Variants in PRKG2 observed in about 807,000 individuals in gnomAD.
The protein encoded by PRKG2 is protein kinase cGMP-dependent 2.
In PRKG2, 33 loss-of-function variants were observed where a neutral mutation model predicts 97.2. The observed-to-expected ratio is 0.34, with a 90% CI of 0.26 to 0.45. The LOEUF (loss-of-function observed/expected upper bound fraction) is 0.45. PRKG2 is among the 20% of genes least tolerant of loss of function. PRKG2 has a pLI of 1.00. For missense variants in PRKG2, 638 were observed against 900.0 expected, an observed-to-expected ratio of 0.71 and a Z score of 3.73; for synonymous variants, 330 against 321.8, an observed-to-expected ratio of 1.03 and a Z score of -0.27.
At chr4:81,107,542 C>T (rs1743467757) in intron 15 of PRKG2, among the ~76,000 whole-genome samples, 1 of 152,068 alleles carries the variant, frequency 6.6e-6, no homozygotes, top group African/African-American at 2.4e-5. Context: ...TAGAGGGAGT[C>T]TCACTCTGTC....
upstream of PRKG2, among the ~76,000 whole-genome samples, chr4:81,217,661 A>G (rs1286905034): frequency 6.6e-6 from 1 of 152,242 alleles, no homozygotes; most frequent in African/African-American, 2.4e-5. Context: ...AGAGAAACAG[A>G]CATTAAATAA....
At chr4:81,180,116 A>C (rs2903751) in intron 2 of PRKG2, among the ~76,000 whole-genome samples, 1 of 151,878 alleles carries the variant, frequency 6.6e-6, no homozygotes, top group East Asian at 1.9e-4. Flanking sequence ...CTGGGCAACA[A>C]GAGTGAAACT....
intron 6 of PRKG2, among the ~76,000 whole-genome samples, chr4:81,166,629 C>T (rs754805484): frequency 2.0e-5 from 3 of 152,028 alleles, no homozygotes; most frequent in East Asian, 1.9e-4. Context: ...TCCAATATGC[C>T]GTTTCCCCCT....
rs58361616 is a variant in PRKG2 at position 81,116,985 on chromosome 4, C to CTTTTTTTTTTTT, written c.1777-6386_1777-6375dup. On this transcript the variant is annotated intron_variant, in intron 14 of 18. Transcript: ENST00000264399. ...AGGTTATCTATTTACCCTGTTGTTACTTTTTTTTTTTTTTTTTTTTTTTTT... is the reference window on the plus strand; with the variant it reads ...AGGTTATCTATTTACCCTGTTGTTACTTTTTTTTTTTTTTTTTTTTTTTTTTTTTTTTTTTTT... 4.2e-4 allele frequency among the ~76,000 whole-genome samples: 33 copies of CTTTTTTTTTTTT among 78,988 alleles called. 2 individuals are homozygous for CTTTTTTTTTTTT. Among genetic ancestry groups the CTTTTTTTTTTTT allele is most frequent in the African/African-American group, 1.2e-3 (21 of 17,262 alleles). 51.8% of individuals were successfully genotyped at this position (78,988 alleles called of 152,430 possible).
At chr4:81,192,703 A>G (rs915543187) in intron 2 of PRKG2, among the ~76,000 whole-genome samples, 1 of 152,218 alleles carries the variant, frequency 6.6e-6, no homozygotes, top group Non-Finnish European at 1.5e-5. Flanking sequence ...TGGAAATGGT[A>G]GAAGTCTTTC....
chr4:81,124,501 TC>T (rs1433468938), intron 14 of PRKG2, among the ~76,000 whole-genome samples: 2 of 152,192 alleles, frequency 1.3e-5, no homozygotes, highest in African/African-American at 4.8e-5. Flanking sequence ...GAGCAGGTCT[TC>T]CAAAAGCTTT....
At chr4:81,106,886 A>G (rs953399062) in intron 15 of PRKG2, among the ~76,000 whole-genome samples, 1 of 152,212 alleles carries the variant, frequency 6.6e-6, no homozygotes, top group Admixed American at 6.5e-5. Context: ...GCAGTAACTC[A>G]GATTAGGATG....
At chr4:81,105,602 T>C (rs866289868) in intron 16 of PRKG2, among the ~76,000 whole-genome samples, 1 of 152,214 alleles carries the variant, frequency 6.6e-6, no homozygotes, top group South Asian at 2.1e-4. Context: ...TTTTTTAAAC[T>C]ACTTCATAAG....
At chr4:81,107,857 G>A (rs537166781) in intron 15 of PRKG2, among the ~76,000 whole-genome samples, 2 of 152,250 alleles carry the variant, frequency 1.3e-5, no homozygotes, top group Admixed American at 6.5e-5. Flanking sequence ...AACAAAGACT[G>A]AGAATTGGCC....
intron 2 of PRKG2, among the ~76,000 whole-genome samples, chr4:81,178,123 A>T: frequency 7.2e-6 from 1 of 139,636 alleles, no homozygotes; most frequent in African/African-American, 2.6e-5. Flanking sequence ...GGACACCTGA[A>T]GGGCTGCAGC....
At chr4:81,142,736 T>C in intron 11 of PRKG2, 58 bp downstream of exon 11, 1 of 1,464,028 alleles carries the variant, frequency 6.8e-7, no homozygotes, top group African/African-American at 1.4e-5. Flanking sequence ...TGCTGGAATA[T>C]AAAACAAAAA....
chr4:81,118,875 G>A (rs2109997813), intron 14 of PRKG2, among the ~76,000 whole-genome samples: 1 of 152,162 alleles, frequency 6.6e-6, no homozygotes, highest in East Asian at 1.9e-4. Context: ...GCTCAATGCA[G>A]CCGCAACCTC....
At chr4:81,153,802 C>G (rs1220020514) in intron 6 of PRKG2, 81 bp from the exon 7 acceptor site, 1 of 980,976 alleles carries the variant, frequency 1.0e-6, no homozygotes. Flanking sequence ...GTATACAGCT[C>G]CCAGCGTGAG....
At chr4:81,214,179 A>G (rs962927522) in intron 1 of PRKG2, among the ~76,000 whole-genome samples, 11 of 149,682 alleles carry the variant, frequency 7.3e-5, no homozygotes, top group Non-Finnish European at 3.0e-5. Context: ...AAGAAGGAGA[A>G]GAAGAAGAAG....
chr4:81,174,969 T>G lies in PRKG2; in HGVS notation c.462-10A>C. ...AATGAGCTTCTTCTCACTGGTATAA[T>G]GGAAAAGAGATGTTAGTTACAATTA... is the stretch of plus-strand genomic sequence containing the variant. On this transcript the variant is annotated splice_polypyrimidine_tract_variant and intron_variant, in intron 2 of 18. Coordinates refer to ENST00000264399, the MANE Select transcript of PRKG2 (RefSeq NM_006259.3). 6.3e-7 allele frequency: 1 copy of G among 1,583,638 alleles called. No homozygotes were observed. Among genetic ancestry groups the G allele is most frequent in the South Asian group, 1.2e-5 (1 of 85,794 alleles).
intron 7 of PRKG2, 49 bp downstream of exon 7, chr4:81,153,595 C>G (rs763104013): frequency 2.1e-6 from 3 of 1,441,030 alleles, no homozygotes; most frequent in Admixed American, 1.7e-5. Flanking sequence ...TTATGGCAAA[C>G]TGATTTAAAA....
chr4:81,161,234 A>G (rs1053865701), intron 6 of PRKG2, among the ~76,000 whole-genome samples: 8 of 152,174 alleles, frequency 5.3e-5, no homozygotes, highest in African/African-American at 1.9e-4. Context: ...GAAGCATAAT[A>G]TTTTTGGAGT....
intron 14 of PRKG2, among the ~76,000 whole-genome samples, chr4:81,128,867 C>T (rs1204344823): frequency 6.6e-6 from 1 of 152,086 alleles, no homozygotes; most frequent in Non-Finnish European, 1.5e-5. Flanking sequence ...TTTCTACTAG[C>T]TTTTGAATTT....
chr4:81,216,748 A>G (rs1560636833), upstream of PRKG2, among the ~76,000 whole-genome samples: 1 of 151,712 alleles, frequency 6.6e-6, no homozygotes, highest in East Asian at 1.9e-4. Flanking sequence ...ATGCCTGCCC[A>G]TTGTTTAGCT....
Sources: gnomAD v4.1 joint callset for allele counts (sites outside exome capture counted in the v4.1 genomes callset) on GRCh38, gnomAD v4.1.1 for gene constraint, MANE v1.5 for transcripts, NCBI Gene and HGNC (gene_info 2026-07-23, HGNC 2026-07-21) for gene names.